The following ADGRB3 variants were observed in gnomAD, a reference collection of about 807,000 sequenced individuals.
The protein encoded by ADGRB3 is brain-specific angiogenesis inhibitor 3.
A neutral mutation model predicts 193.4 loss-of-function variants in ADGRB3; 37 were observed. The observed-to-expected ratio is 0.19, with a 90% CI of 0.15 to 0.25. ADGRB3 has a LOEUF of 0.25. ADGRB3 is among the 10% of genes least tolerant of loss of function. ADGRB3 has a pLI of 1.00. For synonymous variants in ADGRB3, 690 were observed against 644.2 expected (o/e 1.07, Z -1.08); for missense variants, 1,637 against 1,852.9 (o/e 0.88, Z 2.14).
chr6:69,196,695 T>G (rs975815696), intron 17 of ADGRB3, among the ~76,000 whole-genome samples: 1 of 152,274 alleles, frequency 6.6e-6, no homozygotes, highest in African/African-American at 2.4e-5. Context: ...TTTAAGATTT[T>G]AGAGGTTGGG....
At chr6:69,108,112 G>T (rs2150324449) in intron 17 of ADGRB3, among the ~76,000 whole-genome samples, 1 of 151,634 alleles carries the variant, frequency 6.6e-6, no homozygotes, top group African/African-American at 2.4e-5. Flanking sequence ...TATGGAGTAA[G>T]TCCTGGGAAT....
At chr6:68,698,734 T>C (rs1295037908) in intron 3 of ADGRB3, among the ~76,000 whole-genome samples, 1 of 151,974 alleles carries the variant, frequency 6.6e-6, no homozygotes, top group Non-Finnish European at 1.5e-5. Context: ...GGAAAGCAAA[T>C]AGAAAAGATA....
chr6:68,868,216 G>A (rs886438322), intron 3 of ADGRB3, among the ~76,000 whole-genome samples: 2 of 152,192 alleles, frequency 1.3e-5, no homozygotes, highest in Non-Finnish European at 2.9e-5. Flanking sequence ...CCCCTATGCA[G>A]TTCTGGTGAG....
intron 6 of ADGRB3, among the ~76,000 whole-genome samples, chr6:68,955,590 G>A (rs1768049313): frequency 6.6e-6 from 1 of 152,182 alleles, no homozygotes; most frequent in Non-Finnish European, 1.5e-5. Context: ...AGGAGTTTGA[G>A]ACCAGCCTGA....
At chr6:68,847,978 C>T (rs1177528748) in intron 3 of ADGRB3, among the ~76,000 whole-genome samples, 1 of 150,826 alleles carries the variant, frequency 6.6e-6, no homozygotes, top group African/African-American at 2.4e-5. Flanking sequence ...GAACCTGAGT[C>T]ATACAACTGA....
chr6:69,301,424 T>C (rs994254509), intron 20 of ADGRB3, among the ~76,000 whole-genome samples: 4 of 151,910 alleles, frequency 2.6e-5, no homozygotes, highest in Admixed American at 6.6e-5. Flanking sequence ...GGTACTAGTA[T>C]CTACTGAAAA....
At chr6:68,982,126 T>C (rs1665065758) in intron 10 of ADGRB3, among the ~76,000 whole-genome samples, 1 of 152,088 alleles carries the variant, frequency 6.6e-6, no homozygotes, top group South Asian at 2.1e-4. Context: ...CCTCATGATC[T>C]GCCTGCCTCA....
At chr6:68,822,187 C>G (rs2022213) in intron 3 of ADGRB3, among the ~76,000 whole-genome samples, 100,365 of 151,618 alleles carry the variant, frequency 0.66, 33,570 homozygotes, top group East Asian at 0.78. Flanking sequence ...AAAGAGAAGA[C>G]AGACTAATCT....
chr6:69,244,748 T>G (rs1389793676), intron 20 of ADGRB3, among the ~76,000 whole-genome samples: 1 of 152,050 alleles, frequency 6.6e-6, no homozygotes, highest in African/African-American at 2.4e-5. Flanking sequence ...ATCTTAAGCA[T>G]GACACCCTGC....
At chr6:69,329,233 A>T (rs759740298) in intron 22 of ADGRB3, among the ~76,000 whole-genome samples, 5 of 152,178 alleles carry the variant, frequency 3.3e-5, no homozygotes, top group Non-Finnish European at 7.4e-5. Context: ...TAGAGACACA[A>T]TCTAAAGTGT....
At chr6:69,056,646 A>G (rs573040848) in intron 15 of ADGRB3, among the ~76,000 whole-genome samples, 1 of 152,180 alleles carries the variant, frequency 6.6e-6, no homozygotes, top group East Asian at 1.9e-4. Flanking sequence ...TGTTTTTTAT[A>G]TGGTGTAGGC....
chr6:68,724,803 C>T (rs910912469), intron 3 of ADGRB3, among the ~76,000 whole-genome samples: 16 of 151,470 alleles, frequency 1.1e-4, no homozygotes, highest in Non-Finnish European at 1.8e-4. Flanking sequence ...CAAGCAAATG[C>T]TTAAAGCGGT....
intron 17 of ADGRB3, among the ~76,000 whole-genome samples, chr6:69,202,253 C>A (rs983060954): frequency 3.9e-5 from 6 of 152,076 alleles, no homozygotes; most frequent in African/African-American, 1.4e-4. Flanking sequence ...ATATTAAGGA[C>A]AATTCTGAGA....
At chr6:68,686,691 T>C (rs903128925) in intron 3 of ADGRB3, among the ~76,000 whole-genome samples, 4 of 152,194 alleles carry the variant, frequency 2.6e-5, no homozygotes, top group African/African-American at 7.2e-5. Context: ...GTGCTGTCAA[T>C]TGTCAGTCTT....
intron 3 of ADGRB3, among the ~76,000 whole-genome samples, chr6:68,850,958 C>T (rs1341657899): frequency 6.6e-6 from 1 of 151,948 alleles, no homozygotes; most frequent in African/African-American, 2.4e-5. Flanking sequence ...CATTTGAGCT[C>T]ATTTTTGAAG....
intron 26 of ADGRB3, among the ~76,000 whole-genome samples, chr6:69,351,095 C>CTT (rs10649928): frequency 0.3 from 42,169 of 139,002 alleles, 7,505 homozygotes; most frequent in African/African-American, 0.51. Context: ...TCCCTAGATA[C>CTT]TTTTTTTTTT....
chr6:68,707,201 T>C (rs571228719), intron 3 of ADGRB3, among the ~76,000 whole-genome samples: 1 of 152,278 alleles, frequency 6.6e-6, no homozygotes, highest in Non-Finnish European at 1.5e-5. Context: ...AGTCATCTTT[T>C]CATTTTCGTA....
intron 3 of ADGRB3, among the ~76,000 whole-genome samples, chr6:68,772,956 A>T (rs7453074): frequency 2.2e-5 from 3 of 138,738 alleles, no homozygotes; most frequent in Non-Finnish European, 3.1e-5. Context: ...AAAATAAAAA[A>T]TAAAAATAAA....
At chr6:69,175,114 T>G (rs994028798) in intron 17 of ADGRB3, among the ~76,000 whole-genome samples, 4 of 152,226 alleles carry the variant, frequency 2.6e-5, no homozygotes, top group Non-Finnish European at 5.9e-5. Flanking sequence ...TTAATTTAAT[T>G]AGAACTCACT....
Sources: allele counts gnomAD v4.1 joint callset (sites outside exome capture counted in the v4.1 genomes callset), GRCh38; gene constraint gnomAD v4.1.1; transcripts MANE v1.5; gene names NCBI Gene and HGNC (gene_info 2026-07-23, HGNC 2026-07-21).